DNAJA3: variants seen among roughly 807,000 people sequenced by gnomAD.
DNAJA3 encodes DnaJ heat shock protein family (Hsp40) member A3, also known as dnaJ homolog subfamily A member 3, mitochondrial.
Under a neutral mutation model 54.9 loss-of-function variants are expected in DNAJA3, and 29 were observed. The ratio of observed to expected loss-of-function variants is 0.53; its 90% confidence interval spans 0.39 to 0.72. The LOEUF (loss-of-function observed/expected upper bound fraction) is 0.72, where lower values mean the gene tolerates loss of function less well. DNAJA3 is among the 30% of genes least tolerant of loss of function. The pLI is 0.00. For synonymous variants in DNAJA3, 302 were observed against 251.4 expected (o/e 1.20, Z -1.90); for missense variants, 708 against 639.4 (o/e 1.11, Z -1.16).
At chr16:4,430,848 A>T (rs1359620749) in intron 1 of DNAJA3, 1 of 152,180 alleles carries the variant, frequency 6.6e-6, no homozygotes, top group African/African-American at 2.4e-5. Context: ...GTTCGAGACC[A>T]GCCTGGCCAA....
At chr16:4,437,990 A>T (rs2056792494) in intron 3 of DNAJA3, among the ~76,000 whole-genome samples, 2 of 151,706 alleles carry the variant, frequency 1.3e-5, no homozygotes, top group Admixed American at 1.3e-4. Context: ...ACAAAACAAC[A>T]ACATTCTAAG....
rs995374162 is a variant in DNAJA3, at chr16:4,429,260, C to T, written c.211+3168C>T. On this transcript the variant is annotated intron_variant, in intron 1 of 11. Coordinates refer to ENST00000262375, the MANE Select transcript of DNAJA3 (RefSeq NM_005147.6). ...AGGCTGGAGTGCAGTGGTGCGATCTCGGCTCACCATGATCTTGACTCACCG... is the reference window on the plus strand; with the variant it reads ...AGGCTGGAGTGCAGTGGTGCGATCTTGGCTCACCATGATCTTGACTCACCG... 4.0e-5 allele frequency among the ~76,000 whole-genome samples: 6 copies of T among 151,222 alleles called. No individual in the cohort carries two copies. In the East Asian group the frequency reaches 9.9e-4, roughly 25 times the overall value.
At chr16:4,433,994 G>T in intron 1 of DNAJA3, 1 of 236,434 alleles carries the variant, frequency 4.2e-6, no homozygotes, top group South Asian at 5.5e-5. Flanking sequence ...AAGGAAAGAG[G>T]TTTATTTAAC....
At chr16:4,436,547 CTT>C (rs1301581045) in intron 2 of DNAJA3, among the ~76,000 whole-genome samples, 1 of 151,936 alleles carries the variant, frequency 6.6e-6, no homozygotes, top group African/African-American at 2.4e-5. Flanking sequence ...AAAATTTTTT[CTT>C]TTTTCAGACA....
Position 4,437,409 on chromosome 16 carries a change from A to C in DNAJA3, c.353A>C (p.Lys118Thr). ...EIKKAYYQLA[K>T]KYHPDTNKDD... is the part of the protein sequence containing the mutation. ...ATCATGTTTTTCCCTTAGCTTGCCAAGAAGTATCACCCTGACACAAATAAG... is the reference window on the plus strand; with the variant it reads ...ATCATGTTTTTCCCTTAGCTTGCCACGAAGTATCACCCTGACACAAATAAG... Residue 118 changes from lysine to threonine, a missense_variant, in exon 3 of 12, where the codon AAG (lysine) becomes ACG (threonine). Physicochemically the swap from Lys to Thr is moderately conservative, Grantham distance 78. Transcript: ENST00000262375. The C allele has an allele frequency of 6.2e-7, 1 of 1,614,100 alleles. No homozygotes were observed. The highest frequency in any genetic ancestry group is 8.5e-7 in the Non-Finnish European group (1 of 1,179,998).
chr16:4,441,397 G>A lies in DNAJA3; in HGVS notation c.452G>A (p.Arg151Lys), dbSNP rs775974164. The change falls in exon 4 of 12, where the codon AGG (arginine) becomes AAG (lysine). Residue 151 changes from arginine (R) to lysine (K), a missense_variant. Arg to Lys is a conservative substitution (Grantham distance 26, BLOSUM62 2). Transcript: ENST00000262375. Reference protein sequence around the residue: ...AYEVLSDEVKRKQYDAYGSAG... With the variant: ...AYEVLSDEVKKKQYDAYGSAG... ...TAGGTTTTGAGTGATGAGGTGAAGA[G>A]GAAGCAGTACGATGCCTACGGCTCT... is the stretch of plus-strand genomic sequence containing the variant. The A allele has an allele frequency of 3.1e-6, 5 of 1,613,566 alleles. No homozygotes were observed. In the East Asian group the frequency reaches 8.9e-5, roughly 29 times the overall value.
At position 4,434,502 on chromosome 16, in the gene DNAJA3, G is replaced by A. The variant is rs1458203446; in HGVS notation, c.330G>A (p.Lys110=). 1.9e-6 allele frequency: 3 copies of A among 1,612,202 alleles called. No homozygotes were observed. The highest frequency in any genetic ancestry group is 2.5e-6 in the Non-Finnish European group (3 of 1,179,642). Residue 110 remains lysine, a synonymous_variant, in exon 2 of 12, where the codon AAG becomes AAA. Transcript: ENST00000262375. ...VPRNASQKEI[K]KAYYQLAKKY... ...GAAATGCCAGCCAGAAAGAGATCAA[G>A]AAAGCCTATTATCAGGTCTGTATGG...
intron 3 of DNAJA3, chr16:4,441,036 A>G (rs2056830596): frequency 2.9e-6 from 1 of 346,994 alleles, no homozygotes; most frequent in Admixed American, 4.4e-5. Flanking sequence ...CTACGAGGTA[A>G]TGTCCCCTGA....
At chr16:4,437,173 G>C (rs1259438614) in intron 2 of DNAJA3, among the ~76,000 whole-genome samples, 2 of 152,106 alleles carry the variant, frequency 1.3e-5, no homozygotes, top group Non-Finnish European at 2.9e-5. Flanking sequence ...GTTTCGCTGT[G>C]TTGCCCAGGC....
chr16:4,430,981 T>G (rs887131663), intron 1 of DNAJA3: 1 of 151,590 alleles, frequency 6.6e-6, no homozygotes, highest in African/African-American at 2.4e-5. Context: ...GAGATGGAGG[T>G]TGCAGTGAAC....
chr16:4,438,873 C>A (rs550064605), intron 3 of DNAJA3, among the ~76,000 whole-genome samples: 1 of 151,894 alleles, frequency 6.6e-6, no homozygotes, highest in African/African-American at 2.4e-5. Flanking sequence ...CTCAGTAAAT[C>A]TTTTTTGAGT....
In DNAJA3 at chr16:4,454,333, C is replaced by CA. The variant is rs536755054; in HGVS notation, c.1340-477dup. 1.5e-3 allele frequency among the ~76,000 whole-genome samples: 230 copies of CA among 152,328 alleles called. 4 individuals are homozygous for CA. Among genetic ancestry groups the CA allele is most frequent in the African/African-American group, 5.3e-3 (222 of 41,576 alleles). On this transcript the variant is annotated intron_variant, in intron 10 of 11. Coordinates refer to ENST00000262375, the MANE Select transcript of DNAJA3 (RefSeq NM_005147.6). ...GGTGGTTGAGTCTCAGCTTTGGAGTCAGACTGCATGGGCTCGCACTCAGTC... is the reference window on the plus strand; with the variant it reads ...GGTGGTTGAGTCTCAGCTTTGGAGTCAAGACTGCATGGGCTCGCACTCAGTC...
chr16:4,443,922 G>A (rs1311912395), intron 6 of DNAJA3, among the ~76,000 whole-genome samples: 8 of 152,136 alleles, frequency 5.3e-5, no homozygotes, highest in East Asian at 1.9e-4. Flanking sequence ...TCCTGACCTC[G>A]TGATCCACCC....
At chr16:4,432,060 T>C (rs190564376) in intron 1 of DNAJA3, among the ~76,000 whole-genome samples, 1 of 151,868 alleles carries the variant, frequency 6.6e-6, no homozygotes, top group Admixed American at 6.6e-5. Flanking sequence ...CTAGTTTAGT[T>C]ATAGGTATAA....
intron 3 of DNAJA3, chr16:4,441,007 G>T (rs980012426): frequency 4.5e-5 from 12 of 265,756 alleles, no homozygotes; most frequent in African/African-American, 2.6e-4. Context: ...TGAAGGTAAG[G>T]GTAGGAAGCA....
At chr16:4,453,200 A>G (rs1213244798) in intron 10 of DNAJA3, among the ~76,000 whole-genome samples, 1 of 151,982 alleles carries the variant, frequency 6.6e-6, no homozygotes, top group Admixed American at 6.6e-5. Flanking sequence ...AATTACAGAC[A>G]TGAGCCACTG....
rs181886722 is a variant in DNAJA3, at chr16:4,436,932, C to G, written c.346-470C>G. The stretch of plus-strand genomic sequence containing the variant: ...AGATACATCAGAATCAGTTCCTGCC[C>G]TCAAGTTAAGAGATGGATACATTAA... On this transcript the variant is annotated intron_variant, in intron 2 of 11. Coordinates refer to ENST00000262375, the MANE Select transcript of DNAJA3 (RefSeq NM_005147.6). 3.9e-5 allele frequency among the ~76,000 whole-genome samples: 6 copies of G among 152,216 alleles called. No homozygotes were observed. In the East Asian group the frequency reaches 7.7e-4, roughly 20 times the overall value.
At chr16:4,437,096 G>A (rs989200952) in intron 2 of DNAJA3, among the ~76,000 whole-genome samples, 93 of 152,128 alleles carry the variant, frequency 6.1e-4, no homozygotes, top group African/African-American at 2.2e-3. Context: ...TCAGCCTCCT[G>A]AGTAGCTGGG....
intron 3 of DNAJA3, chr16:4,441,024 C>A: frequency 3.3e-6 from 1 of 302,962 alleles, no homozygotes; most frequent in Non-Finnish European, 6.1e-6. Flanking sequence ...AGCATAAATT[C>A]TCTACGAGGT....
Sources: gnomAD v4.1 joint callset for allele counts (sites outside exome capture counted in the v4.1 genomes callset) on GRCh38, gnomAD v4.1.1 for gene constraint, MANE v1.5 for transcripts, NCBI Gene and HGNC (gene_info 2026-07-23, HGNC 2026-07-21) for gene names.